MACROD2: variants seen among roughly 807,000 people sequenced by gnomAD.
The protein encoded by MACROD2 is ADP-ribose glycohydrolase MACROD2.
MACROD2 carries 36 observed loss-of-function variants against 70.4 expected under a neutral mutation model. That is an observed-to-expected ratio of 0.51 (90% CI 0.39 to 0.68). The LOEUF is 0.68. Ranked by LOEUF, MACROD2 falls within the 30% of genes least tolerant of loss-of-function variation. The pLI is 0.00. For missense variants in MACROD2, 496 were observed against 538.4 expected, an observed-to-expected ratio of 0.92 and a Z score of 0.78; for synonymous variants, 172 against 178.8, an observed-to-expected ratio of 0.96 and a Z score of 0.30.
intron 5 of MACROD2, among the ~76,000 whole-genome samples, chr20:14,832,034 G>GTTTTTT (rs1180071947): frequency 9.4e-5 from 6 of 63,676 alleles, no homozygotes; most frequent in Non-Finnish European, 1.4e-4. Context: ...GCCTTTGCGA[G>GTTTTTT]TTTTTTTTTT....
intron 3 of MACROD2, among the ~76,000 whole-genome samples, chr20:14,355,773 TA>T (rs2083166336): frequency 6.6e-6 from 1 of 152,224 alleles, no homozygotes; most frequent in Non-Finnish European, 1.5e-5. Context: ...TTTATGATAA[TA>T]TATATTGTTT....
intron 5 of MACROD2, among the ~76,000 whole-genome samples, chr20:14,822,599 C>G (rs559124242): frequency 6.6e-6 from 1 of 152,148 alleles, no homozygotes; most frequent in Non-Finnish European, 1.5e-5. Context: ...GTAGGTTTAA[C>G]TTTCATTTAA....
chr20:14,304,718 T>C (rs1343617596), intron 3 of MACROD2, among the ~76,000 whole-genome samples: 2 of 152,116 alleles, frequency 1.3e-5, no homozygotes, highest in African/African-American at 2.4e-5. Flanking sequence ...CTCAGGCTGC[T>C]GAGAACTGCT....
At chr20:14,045,025 A>G (rs866918255) in intron 2 of MACROD2, among the ~76,000 whole-genome samples, 22 of 152,224 alleles carry the variant, frequency 1.4e-4, no homozygotes, top group Admixed American at 3.9e-4. Flanking sequence ...CTGGTGGCCC[A>G]GGTGCTAAGC....
Position 15,543,016 on chromosome 20 carries a change from C to A in MACROD2, c.645+43169C>A, listed in dbSNP as rs141976709. 3.2e-3 allele frequency among the ~76,000 whole-genome samples: 481 copies of A among 152,298 alleles called. 3 individuals carry two copies. The highest frequency in any genetic ancestry group is 0.011 in the African/African-American group (445 of 41,564). On this transcript the variant is annotated intron_variant, in intron 8 of 17. Transcript: ENST00000684519. The stretch of plus-strand genomic sequence containing the variant: ...CTTCTGGGTTGCTATGCCTGTCAAG[C>A]AGCAAATTATGATAAAAAGGGCCAT...
At chr20:15,727,432 T>G (rs1030817958) in intron 8 of MACROD2, among the ~76,000 whole-genome samples, 11 of 145,988 alleles carry the variant, frequency 7.5e-5, no homozygotes, top group African/African-American at 2.7e-4. Flanking sequence ...CCTTTTTTGG[T>G]TTCATATAAA....
intron 8 of MACROD2, among the ~76,000 whole-genome samples, chr20:15,652,091 C>T (rs758808392): frequency 3.3e-5 from 5 of 152,134 alleles, no homozygotes; most frequent in East Asian, 1.9e-4. Flanking sequence ...ATTTGATAAG[C>T]AACCCATTGT....
At chr20:15,909,136 G>C (rs567242711) in intron 10 of MACROD2, among the ~76,000 whole-genome samples, 35 of 152,210 alleles carry the variant, frequency 2.3e-4, no homozygotes, top group Admixed American at 1.6e-3. Context: ...CCTAAGCTTA[G>C]AAGACTCAAA....
chr20:15,171,718 A>G (rs2076424058), intron 5 of MACROD2, among the ~76,000 whole-genome samples: 1 of 152,134 alleles, frequency 6.6e-6, no homozygotes, highest in African/African-American at 2.4e-5. Context: ...AACACTTTAA[A>G]TGAAATATGT....
intron 7 of MACROD2, among the ~76,000 whole-genome samples, chr20:15,490,175 C>CT (rs2047211437): frequency 1.3e-5 from 2 of 149,302 alleles, no homozygotes; most frequent in East Asian, 2.0e-4. Flanking sequence ...TCCTCCTTTC[C>CT]TTCCTTCCTT....
At chr20:15,742,883 G>T in intron 8 of MACROD2, among the ~76,000 whole-genome samples, 1 of 152,148 alleles carries the variant, frequency 6.6e-6, no homozygotes, top group Non-Finnish European at 1.5e-5. Context: ...GCTCCCTAGG[G>T]TATGTCCAAT....
At chr20:15,387,418 CTCCA>C (rs1172234683) in intron 6 of MACROD2, among the ~76,000 whole-genome samples, 3 of 151,702 alleles carry the variant, frequency 2.0e-5, no homozygotes, top group African/African-American at 7.3e-5. Context: ...CCCTTCCATT[CTCCA>C]TCCTTTCTCC....
At chr20:15,318,679 A>G (rs2146166312) in intron 6 of MACROD2, among the ~76,000 whole-genome samples, 1 of 152,290 alleles carries the variant, frequency 6.6e-6, no homozygotes, top group Non-Finnish European at 1.5e-5. Flanking sequence ...GATAACAGCA[A>G]TCAATGTAAT....
At chr20:14,409,758 T>G (rs148754018) in intron 3 of MACROD2, among the ~76,000 whole-genome samples, 1 of 152,146 alleles carries the variant, frequency 6.6e-6, no homozygotes, top group Non-Finnish European at 1.5e-5. Flanking sequence ...TGAGGCTTAG[T>G]GTCCTTAATT....
At chr20:15,921,193 C>T (rs556604520) in intron 10 of MACROD2, among the ~76,000 whole-genome samples, 1 of 152,300 alleles carries the variant, frequency 6.6e-6, no homozygotes, top group East Asian at 1.9e-4. Flanking sequence ...ACGGTCTTCA[C>T]CTGGCTTCAA....
At chr20:14,906,517 A>T (rs967588765) in intron 5 of MACROD2, among the ~76,000 whole-genome samples, 1 of 152,118 alleles carries the variant, frequency 6.6e-6, no homozygotes, top group African/African-American at 2.4e-5. Flanking sequence ...AAGAAAAAAA[A>T]ATCAGCACTA....
intron 4 of MACROD2, chr20:14,494,189 A>G (rs1190856138): frequency 6.6e-6 from 1 of 152,074 alleles, no homozygotes; most frequent in Non-Finnish European, 1.5e-5. Flanking sequence ...AGAAAAAAGT[A>G]TACGATTAGA....
intron 5 of MACROD2, among the ~76,000 whole-genome samples, chr20:15,194,513 A>G (rs183007211): frequency 6.6e-6 from 1 of 152,212 alleles, no homozygotes; most frequent in Middle Eastern, 3.4e-3. Context: ...TACACCCTTC[A>G]CTGATTTCTC....
intron 5 of MACROD2, among the ~76,000 whole-genome samples, chr20:14,758,759 ATCTCTT>A (rs2071976049): frequency 6.6e-6 from 1 of 152,126 alleles, no homozygotes; most frequent in South Asian, 2.1e-4. Context: ...AATACTGAGG[ATCTCTT>A]TAGGATTTCA....
Sources: allele counts gnomAD v4.1 joint callset (sites outside exome capture counted in the v4.1 genomes callset), GRCh38; gene constraint gnomAD v4.1.1; transcripts MANE v1.5; gene names NCBI Gene and HGNC (gene_info 2026-07-23, HGNC 2026-07-21).